Variants in HMCN1 observed in about 807,000 individuals in gnomAD.
HMCN1 encodes the protein hemicentin-1.
A neutral mutation model predicts 625.9 loss-of-function variants in HMCN1; 321 were observed. The observed-to-expected ratio is 0.51, with a 90% confidence interval of 0.47 to 0.56. The LOEUF (loss-of-function observed/expected upper bound fraction) is 0.56, where lower values mean the gene tolerates loss of function less well. Ranked by LOEUF, HMCN1 falls within the 20% of genes least tolerant of loss-of-function variation. HMCN1 has a pLI of 0.00. For missense variants in HMCN1, 6,588 were observed against 6,887.3 expected, an observed-to-expected ratio of 0.96 and a Z score of 1.54; for synonymous variants, 2,425 against 2,417.6, an observed-to-expected ratio of 1.00 and a Z score of -0.09.
intron 2 of HMCN1, among the ~76,000 whole-genome samples, chr1:185,859,737 T>C (rs57686227): frequency 0.28 from 43,047 of 151,864 alleles, 6,455 homozygotes; most frequent in African/African-American, 0.33. Context: ...GCGATCTCGA[T>C]TCACTGCAAC....
intron 36 of HMCN1, among the ~76,000 whole-genome samples, chr1:186,027,860 C>T (rs965226346): frequency 6.6e-6 from 1 of 152,042 alleles, no homozygotes; most frequent in Admixed American, 6.5e-5. Flanking sequence ...AAAGTATTTG[C>T]TTGGCTAACA....
At chr1:185,946,175 T>A (rs1297415228) in intron 11 of HMCN1, among the ~76,000 whole-genome samples, 1 of 152,214 alleles carries the variant, frequency 6.6e-6, no homozygotes, top group Non-Finnish European at 1.5e-5. Context: ...TTATGGTTGC[T>A]TCCCTGATAG....
intron 33 of HMCN1, 46 bp from the exon 34 acceptor site, chr1:186,018,137 T>G (rs189872630): frequency 6.8e-7 from 1 of 1,473,912 alleles, no homozygotes; most frequent in African/African-American, 1.4e-5. Context: ...TAGGATATGA[T>G]TTACTTAAAA....
chr1:186,027,365 C>T (rs984937632), intron 36 of HMCN1, among the ~76,000 whole-genome samples: 30 of 152,162 alleles, frequency 2.0e-4, no homozygotes, highest in African/African-American at 6.8e-4. Flanking sequence ...ACAGATGTTT[C>T]CACAAACAAA....
At chr1:186,144,452 C>T in intron 90 of HMCN1, 81 bp from the exon 91 acceptor site, 6 of 1,607,820 alleles carry the variant, frequency 3.7e-6, no homozygotes. Context: ...ACAAGAACAT[C>T]TCTCAAACTA....
chr1:185,835,078 C>T (rs1661088103), intron 1 of HMCN1, among the ~76,000 whole-genome samples: 2 of 152,164 alleles, frequency 1.3e-5, no homozygotes, highest in African/African-American at 4.8e-5. Context: ...ATCTGTAAAA[C>T]ACAGGTCAAT....
chr1:185,956,957 G>A (rs1206727167), intron 11 of HMCN1: 1 of 152,202 alleles, frequency 6.6e-6, no homozygotes, highest in Non-Finnish European at 1.5e-5. Flanking sequence ...TAAACCCATA[G>A]TGCCTTGCAC....
intron 1 of HMCN1, among the ~76,000 whole-genome samples, chr1:185,821,605 A>G (rs1430043092): frequency 6.6e-6 from 1 of 152,024 alleles, no homozygotes; most frequent in Non-Finnish European, 1.5e-5. Flanking sequence ...ATACTCATGT[A>G]CTTGTATACT....
At chr1:185,791,246 T>G (rs558965610) in intron 1 of HMCN1, among the ~76,000 whole-genome samples, 1 of 152,314 alleles carries the variant, frequency 6.6e-6, no homozygotes, top group Admixed American at 6.5e-5. Flanking sequence ...TTACAGTGTC[T>G]GGTACATAGT....
Position 186,178,705 on chromosome 1 carries a change from TAGA to T in HMCN1, c.16236_16238del (p.Arg5413del). 2.5e-6 allele frequency: 4 copies of T among 1,614,160 alleles called. No homozygotes were observed. Among genetic ancestry groups the T allele is most frequent in the Non-Finnish European group, 3.4e-6 (4 of 1,179,984 alleles). On this transcript the variant is annotated inframe_deletion, in exon 104 of 107. Transcript: ENST00000271588. ...ACAGCAGAACATCTCTCTCCAGGAC[TAGA>T]AGGACTATTAGGAAAACTTGCCCTG...
At chr1:185,868,323 T>C (rs1353822120) in intron 4 of HMCN1, among the ~76,000 whole-genome samples, 1 of 152,150 alleles carries the variant, frequency 6.6e-6, no homozygotes, top group East Asian at 1.9e-4. Context: ...AAATGGCATG[T>C]GATATTGTTT....
At chr1:185,875,088 A>G (rs1484975094) in intron 4 of HMCN1, among the ~76,000 whole-genome samples, 2 of 152,020 alleles carry the variant, frequency 1.3e-5, no homozygotes, top group Non-Finnish European at 2.9e-5. Context: ...GTAAGATTGC[A>G]GTTTAAAAAT....
chr1:185,922,428 T>C lies in HMCN1; in HGVS notation c.950T>C (p.Ile317Thr). ...GTTCGCATTACTGGCCTCAGTACTATTGATTTCCGAGCTGGCTTTTCTCGA... is the reference window on the plus strand; with the variant it reads ...GTTCGCATTACTGGCCTCAGTACTACTGATTTCCGAGCTGGCTTTTCTCGA... ...HSVRITGLSTIDFRAGFSRKP... is the reference protein window; with the variant it reads ...HSVRITGLSTTDFRAGFSRKP... Residue 317 changes from isoleucine to threonine, a missense_variant, in exon 7 of 107, where the codon ATT (isoleucine) becomes ACT (threonine). Transcript: ENST00000271588. 1.9e-6 allele frequency: 3 copies of C among 1,613,842 alleles called. No homozygotes were observed. Among genetic ancestry groups the C allele is most frequent in the Non-Finnish European group, 2.5e-6 (3 of 1,179,820 alleles).
intron 1 of HMCN1, among the ~76,000 whole-genome samples, chr1:185,786,083 G>C (rs1339689702): frequency 6.6e-6 from 1 of 152,184 alleles, no homozygotes; most frequent in Non-Finnish European, 1.5e-5. Context: ...AGGGAATAGA[G>C]ATTAACAAAA....
rs758918220 is a variant in HMCN1, at chr1:185,864,583, G to A, written c.453G>A (p.Arg151=). ...VFTDARSKDY[R]LTHEVLQLIQ... is the part of the protein sequence containing the mutation. ...CTGATGCTCGGTCCAAAGATTACCG[G>A]CTCACCCATGAGGTGCTGCAACTTA... Residue 151 remains arginine (R), a synonymous_variant, in exon 3 of 107, where the codon CGG becomes CGA. Coordinates refer to ENST00000271588, the MANE Select transcript of HMCN1 (RefSeq NM_031935.3). 56 of 1,613,828 alleles carry A rather than the reference G, an allele frequency of 3.5e-5. No homozygotes were observed. Among genetic ancestry groups the A allele is most frequent in the Non-Finnish European group, 4.6e-5 (54 of 1,179,968 alleles).
At chr1:185,877,983 T>C (rs1278728120) in intron 4 of HMCN1, among the ~76,000 whole-genome samples, 1 of 152,166 alleles carries the variant, frequency 6.6e-6, no homozygotes, top group African/African-American at 2.4e-5. Flanking sequence ...AGTCAGAACA[T>C]TCAGTATTTG....
intron 1 of HMCN1, among the ~76,000 whole-genome samples, chr1:185,785,431 A>C (rs1007798824): frequency 1.3e-5 from 2 of 152,158 alleles, no homozygotes; most frequent in African/African-American, 4.8e-5. Flanking sequence ...TTTGATTGCT[A>C]TATTTTTCTT....
intron 76 of HMCN1, 80 bp downstream of exon 76, chr1:186,117,195 T>G: frequency 6.4e-7 from 1 of 1,558,756 alleles, no homozygotes; most frequent in Non-Finnish European, 8.7e-7. Flanking sequence ...AAGGGATCCC[T>G]TTTCTTTTTT....
intron 68 of HMCN1, among the ~76,000 whole-genome samples, chr1:186,096,182 C>T (rs1246491046): frequency 6.6e-6 from 1 of 151,978 alleles, no homozygotes; most frequent in Non-Finnish European, 1.5e-5. Context: ...GAAAATACAC[C>T]CTATAGAGAA....
Sources: gnomAD v4.1 joint callset for allele counts (sites outside exome capture counted in the v4.1 genomes callset) on GRCh38, gnomAD v4.1.1 for gene constraint, MANE v1.5 for transcripts, NCBI Gene and HGNC (gene_info 2026-07-23, HGNC 2026-07-21) for gene names.